Variants in IGF2BP1 observed in about 807,000 individuals in gnomAD.
The protein encoded by IGF2BP1 is insulin-like growth factor 2 mRNA-binding protein 1.
A neutral mutation model predicts 74.9 loss-of-function variants in IGF2BP1; 11 were observed. That is an observed-to-expected ratio of 0.15 (90% CI 0.09 to 0.24). The LOEUF (loss-of-function observed/expected upper bound fraction) is 0.24, where lower values mean the gene tolerates loss of function less well. IGF2BP1 is among the 10% of genes least tolerant of loss of function. The pLI is 1.00. For synonymous variants in IGF2BP1, 287 were observed against 281.8 expected, an observed-to-expected ratio of 1.02 and a Z score of -0.18; for missense variants, 440 against 757.4, an observed-to-expected ratio of 0.58 and a Z score of 4.92.
intron 2 of IGF2BP1, among the ~76,000 whole-genome samples, chr17:49,022,347 A>G (rs1354066674): frequency 6.6e-6 from 1 of 152,234 alleles, no homozygotes; most frequent in Non-Finnish European, 1.5e-5. Context: ...ACCATATTTA[A>G]TAGAAACCGG....
At chr17:49,029,794 ATTTTTT>A (rs34684271) in intron 4 of IGF2BP1, among the ~76,000 whole-genome samples, 1 of 134,386 alleles carries the variant, frequency 7.4e-6, no homozygotes, top group African/African-American at 2.7e-5. Context: ...CACCCGGCTG[ATTTTTT>A]TTTTTTTTTT....
In IGF2BP1 at chr17:48,997,847, G is replaced by C. The variant is rs764407782; in HGVS notation, c.102G>C (p.Leu34Phe). 1.2e-6 allele frequency: 2 copies of C among 1,614,048 alleles called. No homozygotes were observed. The highest frequency in any genetic ancestry group is 1.3e-5 in the African/African-American group (1 of 74,936). Reference sequence around the variant, plus strand: ...AGATCTCCTACAGCGGCCAGTTCTTGGTCAAATCCGGCTACGCCTTCGTGG... The same window carrying C: ...AGATCTCCTACAGCGGCCAGTTCTTCGTCAAATCCGGCTACGCCTTCGTGG... Reference protein sequence around the residue: ...EHKISYSGQFLVKSGYAFVDC... With the variant: ...EHKISYSGQFFVKSGYAFVDC... The change falls in exon 1 of 15, where the codon TTG becomes TTC. Residue 34 changes from leucine to phenylalanine, a missense_variant. Physicochemically the swap from Leu to Phe is conservative, Grantham distance 22. Around this residue, in one of 5 missense-constraint regions of IGF2BP1, gnomAD observed 105 missense variants for 199.4 expected, o/e 0.53. Coordinates refer to ENST00000290341, the MANE Select transcript of IGF2BP1 (RefSeq NM_006546.4). The surrounding 1 kb of genome is among the most constrained non-coding windows in gnomAD (Gnocchi z 4.8).
rs189570915 is a variant in IGF2BP1 at position 49,027,553 on chromosome 17, G to C, written c.337+1036G>C. Among the ~76,000 whole-genome samples the C allele has an allele frequency of 5.5e-3, 840 of 152,152 alleles. 2 individuals are homozygous for C. Among genetic ancestry groups the C allele is most frequent in the Non-Finnish European group, 7.5e-3 (510 of 67,988 alleles). On this transcript the variant is annotated intron_variant, in intron 4 of 14. Coordinates refer to ENST00000290341, the MANE Select transcript of IGF2BP1 (RefSeq NM_006546.4). ...GAAGGAAAAATGATAAAGAATTCTA[G>C]GTCATAAAAAGTTTGCCAGCCGGGC...
intron 1 of IGF2BP1, among the ~76,000 whole-genome samples, chr17:48,998,515 CG>C (rs978234832): frequency 2.2e-4 from 34 of 152,148 alleles, no homozygotes; most frequent in African/African-American, 8.2e-4. Flanking sequence ...GGCGCGGCGG[CG>C]GCGGCGCCGG....
At chr17:49,015,735 TTGTC>T (rs1274630890) in intron 2 of IGF2BP1, among the ~76,000 whole-genome samples, 1 of 152,186 alleles carries the variant, frequency 6.6e-6, no homozygotes, top group Non-Finnish European at 1.5e-5. Flanking sequence ...GATGTGGAAT[TTGTC>T]TGGAAAGAGC....
intron 2 of IGF2BP1, among the ~76,000 whole-genome samples, chr17:48,999,854 G>A (rs1012562904): frequency 6.6e-6 from 1 of 151,624 alleles, no homozygotes; most frequent in African/African-American, 2.4e-5. Flanking sequence ...GGGACCATCT[G>A]GGGTGAGAGC....
rs869119730 is a variant in IGF2BP1 at position 49,054,265 on chromosome 17, GAAAA to G, written c.*4826_*4829del. ...TATGGTTGACTCCGGATGGACAAAA[GAAAA>G]AAAATTTTTTTTCTTGAATGAAATA... is the stretch of plus-strand genomic sequence containing the variant. On this transcript the variant is annotated 3_prime_UTR_variant, in exon 15 of 15. Transcript: ENST00000290341. 4 of 152,468 alleles carry G rather than the reference GAAAA, an allele frequency of 2.6e-5. No individual in the cohort carries two copies. The highest frequency in any genetic ancestry group is 5.9e-5 in the Non-Finnish European group (4 of 67,990). 9.4% of individuals were successfully genotyped at this position (152,468 alleles called of 1,614,324 possible).
In IGF2BP1 at chr17:48,997,822, A is replaced by G. The variant is rs774351967; in HGVS notation, c.77A>G (p.Lys26Arg). The G allele has an allele frequency of 6.2e-7, 1 of 1,614,118 alleles. No homozygotes were observed. ...ADLEKVFAEH[K>R]ISYSGQFLVK... is the part of the protein sequence containing the mutation. ...TTGGAGAAAGTGTTTGCGGAGCACA[A>G]GATCTCCTACAGCGGCCAGTTCTTG... is the stretch of plus-strand genomic sequence containing the variant. The change falls in exon 1 of 15, where the codon AAG becomes AGG. Residue 26 changes from lysine (K) to arginine (R), a missense_variant. Lys to Arg is a conservative substitution (Grantham distance 26). This residue lies in a region of IGF2BP1 where 105 missense variants were observed against 199.4 expected (regional missense o/e 0.53). Transcript: ENST00000290341. This position sits in a 1 kb window ranked among gnomAD's most constrained non-coding sequence, Gnocchi z 4.8.
intron 2 of IGF2BP1, among the ~76,000 whole-genome samples, chr17:49,011,680 C>T (rs540568840): frequency 9.9e-5 from 15 of 151,690 alleles, no homozygotes; most frequent in African/African-American, 3.6e-4. Context: ...CAGAATGAGA[C>T]CCTGTTCCAA....
At chr17:49,022,409 C>T (rs1024077332) in intron 2 of IGF2BP1, among the ~76,000 whole-genome samples, 5 of 152,042 alleles carry the variant, frequency 3.3e-5, no homozygotes. Context: ...CCTCCCTGCC[C>T]CCCGCCCCGC....
intron 2 of IGF2BP1, among the ~76,000 whole-genome samples, chr17:49,021,546 A>C (rs2041792375): frequency 6.6e-6 from 1 of 152,122 alleles, no homozygotes. Context: ...CCAGGACCTG[A>C]TAACTGCTCT....
At chr17:49,004,372 A>G (rs2041523339) in intron 2 of IGF2BP1, among the ~76,000 whole-genome samples, 1 of 152,206 alleles carries the variant, frequency 6.6e-6, no homozygotes, top group South Asian at 2.1e-4. Context: ...CTCCATTCTA[A>G]GGCAAAAAGC....
At chr17:49,003,081 A>G (rs2041505174) in intron 2 of IGF2BP1, among the ~76,000 whole-genome samples, 1 of 152,192 alleles carries the variant, frequency 6.6e-6, no homozygotes, top group African/African-American at 2.4e-5. Context: ...CCCATCACTA[A>G]TTTATTCAAA....
intron 14 of IGF2BP1, among the ~76,000 whole-genome samples, chr17:49,046,729 A>G (rs2042111800): frequency 6.6e-6 from 1 of 151,780 alleles, no homozygotes; most frequent in Non-Finnish European, 1.5e-5. Flanking sequence ...GTTAAGAAAG[A>G]AGATTAGTTT....
chr17:49,046,912 G>A (rs1272391879), intron 14 of IGF2BP1, among the ~76,000 whole-genome samples: 1 of 152,142 alleles, frequency 6.6e-6, no homozygotes, highest in East Asian at 1.9e-4. Context: ...AGGCTCCAGA[G>A]CATGGAAGGG....
In IGF2BP1 at chr17:49,027,889, G is replaced by A. The variant is rs191792441; in HGVS notation, c.337+1372G>A. ...AAAAAAAAAAAAAAAAAAGTTTGCCGGCTGGGCACAATGACTCACACCTGT... is the reference window on the plus strand; with the variant it reads ...AAAAAAAAAAAAAAAAAAGTTTGCCAGCTGGGCACAATGACTCACACCTGT... On this transcript the variant is annotated intron_variant, in intron 4 of 14. Coordinates refer to ENST00000290341, the MANE Select transcript of IGF2BP1 (RefSeq NM_006546.4). 1.7e-3 allele frequency among the ~76,000 whole-genome samples: 240 copies of A among 143,962 alleles called. 1 individual carries two copies. Among genetic ancestry groups the A allele is most frequent in the Non-Finnish European group, 2.8e-3 (184 of 66,552 alleles). The allele number at this position is 143,962 out of a possible 152,430, so 94.4% of individuals were successfully genotyped here. A position where few individuals can be genotyped will look rare whatever the true frequency, so the allele number is the denominator to read the frequency against.
chr17:49,007,812 T>C (rs968486470), intron 2 of IGF2BP1, among the ~76,000 whole-genome samples: 1 of 152,194 alleles, frequency 6.6e-6, no homozygotes, highest in Non-Finnish European at 1.5e-5. Flanking sequence ...TCTAAGTTGC[T>C]TGGGAGGAGA....
intron 2 of IGF2BP1, among the ~76,000 whole-genome samples, chr17:49,011,137 C>CAAAAAAAAAAAAA (rs61620827): frequency 3.5e-5 from 2 of 57,298 alleles, no homozygotes; most frequent in African/African-American, 1.2e-4. Flanking sequence ...GACTCTGTCT[C>CAAAAAAAAAAAAA]AAAAAAAAAA....
At chr17:49,015,768 C>T (rs1051305766) in intron 2 of IGF2BP1, among the ~76,000 whole-genome samples, 1 of 152,196 alleles carries the variant, frequency 6.6e-6, no homozygotes, top group African/African-American at 2.4e-5. Flanking sequence ...CCCAGAGCTT[C>T]TGTTTTGGCC....
Sources: allele counts gnomAD v4.1 joint callset (sites outside exome capture counted in the v4.1 genomes callset), GRCh38; gene constraint gnomAD v4.1.1; regional missense constraint gnomAD v4.1.1; non-coding constraint Gnocchi (gnomAD v3.1); transcripts MANE v1.5; gene names NCBI Gene and HGNC (gene_info 2026-07-23, HGNC 2026-07-21).